ANKRD30A: variants seen among roughly 807,000 people sequenced by gnomAD.
ANKRD30A encodes the protein ankyrin repeat domain 30A.
Under a neutral mutation model 166.3 loss-of-function variants are expected in ANKRD30A, and 170 were observed. The observed-to-expected ratio is 1.02, with a 90% CI of 0.90 to 1.16. The LOEUF (loss-of-function observed/expected upper bound fraction) is 1.16. Among genes scored for constraint, ANKRD30A ranks in the 50% most tolerant of loss-of-function variants. ANKRD30A has a pLI of 0.00. For missense variants in ANKRD30A, 1,630 were observed against 1,518.0 expected (o/e 1.07, Z -1.23); for synonymous variants, 564 against 508.9 (o/e 1.11, Z -1.46).
chr10:37,212,238 C>G (rs183319940), intron 31 of ANKRD30A, among the ~76,000 whole-genome samples: 3 of 152,010 alleles, frequency 2.0e-5, no homozygotes, highest in Admixed American at 1.3e-4. Context: ...GACAAACAGA[C>G]AGCCAAATCA....
chr10:37,236,551 A>C (rs997965527), downstream of ANKRD30A, among the ~76,000 whole-genome samples: 1 of 152,208 alleles, frequency 6.6e-6, no homozygotes, highest in Non-Finnish European at 1.5e-5. Context: ...CCCATTAGGT[A>C]AATCTTCCCT....
intron 13 of ANKRD30A, among the ~76,000 whole-genome samples, chr10:37,156,020 G>T (rs1350037390): frequency 6.6e-6 from 1 of 151,496 alleles, no homozygotes; most frequent in East Asian, 1.9e-4. Context: ...GGCGGAGCTT[G>T]TAGCGAGCCA....
chr10:37,140,448 G>T (rs1292729370), intron 6 of ANKRD30A, among the ~76,000 whole-genome samples: 3 of 152,186 alleles, frequency 2.0e-5, no homozygotes, highest in African/African-American at 7.2e-5. Flanking sequence ...CCTACTGAAT[G>T]CAGAAGTCAG....
At position 37,136,520 on chromosome 10, in the gene ANKRD30A, G is replaced by T. The variant is rs1003687391; in HGVS notation, c.756-87G>T. 1.8e-5 allele frequency: 11 copies of T among 601,316 alleles called. No individual in the cohort carries two copies. The African/African-American group carries it at 2.1e-4, about 12-fold the overall frequency. The allele number at this position is 601,316 out of a possible 1,614,324, so 37.2% of individuals were successfully genotyped here. A position where few individuals can be genotyped will look rare whatever the true frequency, so the allele number is the denominator to read the frequency against. On this transcript the variant is annotated intron_variant, in intron 5 of 35. Transcript: ENST00000361713. ...TGTTAGTTCTGATATTGTCTGAAATGCTCTAAGAACTTAATAAATTTGGTA... is the reference window on the plus strand; with the variant it reads ...TGTTAGTTCTGATATTGTCTGAAATTCTCTAAGAACTTAATAAATTTGGTA...
the ANKRD30A span, among the ~76,000 whole-genome samples, chr10:37,247,742 C>T: frequency 8.7e-5 from 13 of 149,968 alleles, no homozygotes; most frequent in East Asian, 2.0e-4. Context: ...ATTAGCCGGG[C>T]GTGGTGGCGG....
the ANKRD30A span, among the ~76,000 whole-genome samples, chr10:37,244,995 A>C: frequency 6.6e-6 from 1 of 152,228 alleles, no homozygotes; most frequent in Non-Finnish European, 1.5e-5. Flanking sequence ...TATACATTTT[A>C]TAATCAATAC....
Position 37,199,739 on chromosome 10 carries a change from C to T in ANKRD30A, c.2729C>T (p.Pro910Leu). The T allele has an allele frequency of 6.3e-7, 1 of 1,577,542 alleles. No homozygotes were observed. ...TAACCTTTTATAGATCAGATGTTCC[C>T]TTCAGAATCAAAACAAAAGAAGGTT... ...EQTLRADQMF[P>L]SESKQKKVEE... The change falls in exon 30 of 36, where the codon CCT becomes CTT. Residue 910 changes from proline to leucine, a missense_variant. Around this residue, in one of 4 missense-constraint regions of ANKRD30A, gnomAD observed 712 missense variants for 629.3 expected, o/e 1.13. Transcript: ENST00000361713.
chr10:37,210,393 T>C (rs2132717701), intron 31 of ANKRD30A, among the ~76,000 whole-genome samples: 1 of 152,308 alleles, frequency 6.6e-6, no homozygotes, highest in African/African-American at 2.4e-5. Flanking sequence ...TGGTTCCAAG[T>C]CTTTGCTATT....
chr10:37,217,361 T>C (rs1842657120), intron 32 of ANKRD30A, among the ~76,000 whole-genome samples: 2 of 151,124 alleles, frequency 1.3e-5, no homozygotes, highest in Middle Eastern at 3.4e-3. Flanking sequence ...TCTGTCCTCA[T>C]TGAGGAGTAA....
At chr10:37,199,512 G>T (rs1045960304) in intron 29 of ANKRD30A, among the ~76,000 whole-genome samples, 1 of 151,942 alleles carries the variant, frequency 6.6e-6, no homozygotes, top group Non-Finnish European at 1.5e-5. Context: ...TTATATTTTT[G>T]TGCATTCTAA....
intron 15 of ANKRD30A, among the ~76,000 whole-genome samples, chr10:37,161,463 TTTTA>T (rs1201935960): frequency 3.3e-5 from 5 of 152,084 alleles, no homozygotes; most frequent in South Asian, 4.1e-4. Context: ...TGTTTTTATT[TTTTA>T]TTTATTTATT....
At chr10:37,142,389 T>C (rs1837205354) in intron 7 of ANKRD30A, 99 bp downstream of exon 7, 2 of 1,137,850 alleles carry the variant, frequency 1.8e-6, no homozygotes, top group African/African-American at 1.6e-5. Flanking sequence ...CTTGAATATC[T>C]AAATAAGGCG....
the ANKRD30A span, among the ~76,000 whole-genome samples, chr10:37,256,865 T>A: frequency 6.6e-6 from 1 of 152,192 alleles, no homozygotes; most frequent in Non-Finnish European, 1.5e-5. Context: ...CTTTTTTTGT[T>A]GTGTCTCTGG....
intron 24 of ANKRD30A, among the ~76,000 whole-genome samples, chr10:37,183,406 T>C (rs1667323043): frequency 6.8e-6 from 1 of 146,274 alleles, no homozygotes; most frequent in Admixed American, 6.9e-5. Flanking sequence ...AACAAGAATT[T>C]TCAAAAATGC....
chr10:37,196,093 ATTTTTTT>A lies in ANKRD30A; in HGVS notation c.2615-1175_2615-1169del, dbSNP rs749036981. ...AGTTAGAGGTTTTTTTATATTTTCTATTTTTTTTTTTTTTTTTTTGTAGTAGAAGCAT... is the reference window on the plus strand; with the variant it reads ...AGTTAGAGGTTTTTTTATATTTTCTATTTTTTTTTTTTGTAGTAGAAGCAT... On this transcript the variant is annotated intron_variant, in intron 27 of 35. Transcript: ENST00000361713. Among the ~76,000 whole-genome samples the A allele has an allele frequency of 6.2e-5, 8 of 129,458 alleles. 1 individual carries two copies. The highest frequency in any genetic ancestry group is 2.0e-4 in the African/African-American group (7 of 34,566). The allele number at this position is 129,458 out of a possible 152,430, so 84.9% of individuals were successfully genotyped here.
chr10:37,151,978 A>C (rs1837971913), intron 11 of ANKRD30A, 82 bp from the exon 12 acceptor site: 1 of 1,269,608 alleles, frequency 7.9e-7, no homozygotes. Context: ...AGATTCGTGA[A>C]TGAAAGTAGA....
chr10:37,241,977 C>A, the ANKRD30A span: 1 of 152,158 alleles, frequency 6.6e-6, no homozygotes, highest in African/African-American at 2.4e-5. Flanking sequence ...GGACATTCTA[C>A]GTGACTACAA....
chr10:37,245,781 G>C, the ANKRD30A span, among the ~76,000 whole-genome samples: 2 of 152,038 alleles, frequency 1.3e-5, no homozygotes, highest in East Asian at 3.9e-4. Flanking sequence ...TGCTTCCAAG[G>C]TCATGAAGTT....
In ANKRD30A at chr10:37,142,046, C is replaced by T. The variant is rs868304038; in HGVS notation, c.1149C>T (p.Ile383=). The change falls in exon 7 of 36, where the codon ATC becomes ATT. Residue 383 remains isoleucine (I), a synonymous_variant. Transcript: ENST00000361713. ...CAGCAAAAGGAAGACCTAGGAAGAT[C>T]GCATGGGAGAAAAAAGAAGACACAC... ...TWPAKGRPRK[I]AWEKKEDTPR... is the part of the protein sequence containing the mutation. 28 of 1,605,058 alleles carry T rather than the reference C, an allele frequency of 1.7e-5. No homozygotes were observed. Among genetic ancestry groups the T allele is most frequent in the Admixed American group, 8.5e-5 (5 of 58,998 alleles).
Sources: allele counts gnomAD v4.1 joint callset (sites outside exome capture counted in the v4.1 genomes callset), GRCh38; gene constraint gnomAD v4.1.1; regional missense constraint gnomAD v4.1.1; transcripts MANE v1.5; gene names NCBI Gene and HGNC (gene_info 2026-07-23, HGNC 2026-07-21).